Variants in MBD5 observed in about 807,000 individuals in gnomAD.
The protein encoded by MBD5 is methyl-CpG binding domain protein 5, also known as methyl-CpG-binding domain protein 5.
Under a neutral mutation model 117.3 loss-of-function variants are expected in MBD5, and 13 were observed. The ratio of observed to expected loss-of-function variants is 0.11; its 90% CI spans 0.07 to 0.18. The LOEUF is 0.18. Among genes scored for constraint, MBD5 ranks in the 10% least tolerant of loss-of-function variants. The probability of loss-of-function intolerance (pLI) is 1.00; values close to 1 mark genes in which losing one functional copy is unlikely to be tolerated. For synonymous variants in MBD5, 727 were observed against 766.4 expected (o/e 0.95, Z 0.85); for missense variants, 1,879 against 2,093.8 (o/e 0.90, Z 2.00).
intron 3 of MBD5, among the ~76,000 whole-genome samples, chr2:148,272,737 C>G (rs1339814961): frequency 1.3e-5 from 2 of 152,028 alleles, no homozygotes; most frequent in Non-Finnish European, 2.9e-5. Flanking sequence ...TATAGATTGT[C>G]TCTTCACTCT....
intron 1 of MBD5, among the ~76,000 whole-genome samples, chr2:148,057,238 C>T (rs180879217): frequency 1.3e-5 from 2 of 151,802 alleles, no homozygotes; most frequent in East Asian, 3.9e-4. Context: ...CTGCCTTCTA[C>T]ATTTTAATTT....
rs190716527 is a variant in MBD5 at position 148,074,570 on chromosome 2, G to A, written c.-925+52886G>A. Among the ~76,000 whole-genome samples the A allele has an allele frequency of 8.2e-4, 114 of 138,808 alleles. 1 individual carries two copies. The highest frequency in any genetic ancestry group is 3.0e-3 in the African/African-American group (111 of 36,662). The allele number at this position is 138,808 out of a possible 152,430, so 91.1% of individuals were successfully genotyped here. On this transcript the variant is annotated intron_variant, in intron 1 of 13. Transcript: ENST00000642680. ...GGCTGGAGTGCAGTGTCGCCATCTC[G>A]GCTCACTGCAACCTCTGCCCTCCCC... is the stretch of plus-strand genomic sequence containing the variant.
chr2:148,425,173 T>G (rs1445591322), intron 4 of MBD5, among the ~76,000 whole-genome samples: 1 of 151,916 alleles, frequency 6.6e-6, no homozygotes. Flanking sequence ...AAGAATCAAC[T>G]AGACACAATA....
At chr2:148,397,941 A>T (rs1280098413) in intron 4 of MBD5, among the ~76,000 whole-genome samples, 1 of 152,076 alleles carries the variant, frequency 6.6e-6, no homozygotes, top group Admixed American at 6.5e-5. Flanking sequence ...GCAGAGAATG[A>T]TGGTTTCCAG....
chr2:148,053,870 C>CTT (rs1019466585), intron 1 of MBD5: 3 of 148,210 alleles, frequency 2.0e-5, no homozygotes, highest in Non-Finnish European at 4.5e-5. Flanking sequence ...TTTCTTTTCT[C>CTT]TTTTTTTCTT....
intron 3 of MBD5, among the ~76,000 whole-genome samples, chr2:148,292,977 A>AAGACAAACAAATGCATGCTCC (rs1468087812): frequency 6.6e-6 from 1 of 152,068 alleles, no homozygotes; most frequent in African/African-American, 2.4e-5. Context: ...CAGGCACAGA[A>AAGACAAACAAATGCATGCTCC]AGACAAACAA....
intron 4 of MBD5, among the ~76,000 whole-genome samples, chr2:148,389,301 T>C (rs1280001324): frequency 2.8e-5 from 3 of 107,270 alleles, no homozygotes; most frequent in Non-Finnish European, 5.7e-5. Context: ...TATATATATA[T>C]ATAACATTTT....
chr2:148,409,464 A>T (rs1359091909), intron 4 of MBD5, among the ~76,000 whole-genome samples: 1 of 150,220 alleles, frequency 6.7e-6, no homozygotes, highest in Non-Finnish European at 1.5e-5. Flanking sequence ...GGAAGAAGGG[A>T]GGGAGGGAGG....
intron 12 of MBD5, among the ~76,000 whole-genome samples, chr2:148,508,283 T>TA (rs985162957): frequency 6.6e-6 from 1 of 151,872 alleles, no homozygotes; most frequent in Non-Finnish European, 1.5e-5. Flanking sequence ...ACATACATAA[T>TA]AAAAAAACTT....
chr2:148,414,852 A>G (rs942181737), intron 4 of MBD5, among the ~76,000 whole-genome samples: 2 of 152,068 alleles, frequency 1.3e-5, no homozygotes, highest in Admixed American at 6.6e-5. Context: ...GCCTATGGGT[A>G]TCATTGCTTG....
At chr2:148,067,019 G>A (rs1695215849) in intron 1 of MBD5, among the ~76,000 whole-genome samples, 1 of 152,148 alleles carries the variant, frequency 6.6e-6, no homozygotes, top group Non-Finnish European at 1.5e-5. Flanking sequence ...ACAGAGCATG[G>A]CACATAGAGA....
intron 1 of MBD5, among the ~76,000 whole-genome samples, chr2:148,096,299 C>T (rs933290886): frequency 6.6e-6 from 1 of 152,172 alleles, no homozygotes; most frequent in Non-Finnish European, 1.5e-5. Flanking sequence ...AATTTTGACT[C>T]TCCAGACCTG....
At chr2:148,025,153 T>C (rs1693860481) in intron 1 of MBD5, 1 of 152,222 alleles carries the variant, frequency 6.6e-6, no homozygotes, top group South Asian at 2.1e-4. Flanking sequence ...GATCATCTGC[T>C]GTCTGCCAGG....
intron 1 of MBD5, among the ~76,000 whole-genome samples, chr2:148,134,820 A>T (rs911867252): frequency 6.6e-6 from 1 of 152,200 alleles, no homozygotes; most frequent in African/African-American, 2.4e-5. Context: ...TAACGTATAT[A>T]TTGCAAGGCT....
intron 1 of MBD5, among the ~76,000 whole-genome samples, chr2:148,134,377 T>G (rs1697124541): frequency 6.6e-6 from 1 of 152,328 alleles, no homozygotes; most frequent in East Asian, 1.9e-4. Flanking sequence ...AAATATCACA[T>G]AGCTGGGCTT....
At chr2:148,432,258 G>A (rs975278524) in intron 4 of MBD5, among the ~76,000 whole-genome samples, 7 of 151,972 alleles carry the variant, frequency 4.6e-5, no homozygotes, top group African/African-American at 1.7e-4. Context: ...TATAGATTCT[G>A]GATATTAGAC....
chr2:148,131,765 A>G (rs1478408157), intron 1 of MBD5, among the ~76,000 whole-genome samples: 1 of 152,238 alleles, frequency 6.6e-6, no homozygotes, highest in Non-Finnish European at 1.5e-5. Context: ...TAGAAAAATT[A>G]TCTTAAATAT....
At chr2:148,145,123 T>C (rs1016452741) in intron 1 of MBD5, among the ~76,000 whole-genome samples, 15 of 138,668 alleles carry the variant, frequency 1.1e-4, no homozygotes, top group Non-Finnish European at 4.8e-5. Context: ...TTTTATTTCG[T>C]TGAGCAGTTG....
intron 11 of MBD5, among the ~76,000 whole-genome samples, chr2:148,496,008 T>C (rs1265472429): frequency 6.6e-6 from 1 of 152,236 alleles, no homozygotes. Flanking sequence ...ACATTTTACT[T>C]TGAAGAATGT....
Sources: allele counts gnomAD v4.1 joint callset (sites outside exome capture counted in the v4.1 genomes callset), GRCh38; gene constraint gnomAD v4.1.1; transcripts MANE v1.5; gene names NCBI Gene and HGNC (gene_info 2026-07-23, HGNC 2026-07-21).